The following CHID1 variants were observed in gnomAD, a reference collection of about 807,000 sequenced individuals.
CHID1 encodes chitinase domain containing 1, also known as chitinase domain-containing protein 1.
Under a neutral mutation model 55.4 loss-of-function variants are expected in CHID1, and 44 were observed. That is an observed-to-expected ratio of 0.79 (90% CI 0.62 to 1.02). CHID1 has a LOEUF of 1.02. CHID1 is among the 50% of genes least tolerant of loss of function. CHID1 has a pLI of 0.00. For missense variants in CHID1, 491 were observed against 515.3 expected, an observed-to-expected ratio of 0.95 and a Z score of 0.46; for synonymous variants, 216 against 212.9, an observed-to-expected ratio of 1.01 and a Z score of -0.13.
At chr11:914,729 A>G, upstream of CHID1, 1 of 358,358 alleles carries the variant, frequency 2.8e-6, no homozygotes. Context: ...CTCAAAAAAA[A>G]AAAAAAATTA....
chr11:877,538 G>A (rs903148218), intron 10 of CHID1, among the ~76,000 whole-genome samples: 1 of 152,196 alleles, frequency 6.6e-6, no homozygotes, highest in African/African-American at 2.4e-5. Context: ...GAGCTGTTGC[G>A]CCAAGCCACA....
chr11:877,499 G>A (rs896384365), intron 10 of CHID1, among the ~76,000 whole-genome samples: 1 of 152,178 alleles, frequency 6.6e-6, no homozygotes, highest in Admixed American at 6.5e-5. Context: ...TCCTGCCTTA[G>A]CCCCACAAAG....
chr11:910,095 G>A (rs1192855346), intron 1 of CHID1, among the ~76,000 whole-genome samples: 1 of 152,016 alleles, frequency 6.6e-6, no homozygotes, highest in Non-Finnish European at 1.5e-5. Context: ...GTGCGCTGGC[G>A]CACACCTGTA....
At position 899,328 on chromosome 11, in the gene CHID1, G is replaced by A. The variant is rs1273813407; in HGVS notation, c.608+12C>T. 6 of 1,594,794 alleles carry A rather than the reference G, an allele frequency of 3.8e-6. No homozygotes were observed. The highest frequency in any genetic ancestry group is 5.1e-6 in the Non-Finnish European group (6 of 1,170,462). On this transcript the variant is annotated intron_variant, in intron 7 of 12. Transcript: ENST00000323578. The stretch of plus-strand genomic sequence containing the variant: ...GGAGGAGGGCCACCCACCACCACCT[G>A]TGCCCACTCACACGCGCTTCTGGCT...
chr11:870,418 C>T lies in CHID1; in HGVS notation c.1040+1G>A. ...TGGGCCACGCACTTCAAAACACTCA[C>T]TTCTTGTACTCGAAGAAGTGCTCTG... is the stretch of plus-strand genomic sequence containing the variant. On this transcript the variant is annotated splice_donor_variant, in intron 11 of 12. Transcript: ENST00000323578. LOFTEE classifies it high-confidence loss of function. 1 of 1,609,248 alleles carries T rather than the reference C, an allele frequency of 6.2e-7. No individual in the cohort carries two copies. Among genetic ancestry groups the T allele is most frequent in the East Asian group, 2.2e-5 (1 of 44,812 alleles).
chr11:877,204 C>T (rs1339945675), intron 10 of CHID1, among the ~76,000 whole-genome samples: 2 of 152,114 alleles, frequency 1.3e-5, no homozygotes, highest in Non-Finnish European at 2.9e-5. Flanking sequence ...ATTCCTTGGC[C>T]CCAAACCCCC....
At chr11:887,532 G>A (rs1006936551) in intron 8 of CHID1, among the ~76,000 whole-genome samples, 2 of 152,148 alleles carry the variant, frequency 1.3e-5, no homozygotes, top group Non-Finnish European at 2.9e-5. Flanking sequence ...GTGCTCCACG[G>A]TTCTGCTTCT....
intron 2 of CHID1, 59 bp from the exon 3 acceptor site, chr11:903,170 A>T: frequency 6.5e-7 from 1 of 1,543,266 alleles, no homozygotes; most frequent in Non-Finnish European, 8.8e-7. Flanking sequence ...TAGAGCACAG[A>T]GCCCCACCCA....
In CHID1 at chr11:883,258, C is replaced by T; in HGVS notation, c.849G>A (p.Gln283=). ...APLSWVRACV[Q]VLDPKSKWRS... ...GCCACTTGGACTTCGGGTCCAGGAC[C>T]TGGACGCAGGCTCGAACCCAGGACA... Residue 283 remains glutamine, a synonymous_variant, in exon 10 of 13, where the codon CAG becomes CAA. Transcript: ENST00000323578. 1 of 1,614,140 alleles carries T rather than the reference C, an allele frequency of 6.2e-7. No homozygotes were observed.
chr11:882,935 G>A, intron 10 of CHID1: 1 of 544,722 alleles, frequency 1.8e-6, no homozygotes, highest in Non-Finnish European at 3.3e-6. Context: ...GCCTCACGCA[G>A]ATGTGTGGCC....
rs375856298 is a variant in CHID1, at chr11:870,496, G to A, written c.963C>T (p.Tyr321=). ...GCCTGTGGTCCTTCAGTGTCTGGAT[G>A]TACCTGGGGAGACCAGGATATGGAT... ...DAREPVVGAR[Y]IQTLKDHRPR... is the part of the protein sequence containing the mutation. Residue 321 remains tyrosine, a synonymous_variant, in exon 11 of 13, where the codon TAC becomes TAT. Transcript: ENST00000323578. 63 of 1,607,542 alleles carry A rather than the reference G, an allele frequency of 3.9e-5. No homozygotes were observed. The highest frequency in any genetic ancestry group is 5.3e-5 in the Non-Finnish European group (62 of 1,176,780).
upstream of CHID1, chr11:910,969 G>GACCCC (rs1852645651): frequency 3.8e-6 from 1 of 262,052 alleles, no homozygotes; most frequent in Non-Finnish European, 5.9e-6. Context: ...GGCCGGGGCG[G>GACCCC]GGCCGCGCCG....
chr11:879,552 G>A (rs1211765932), intron 10 of CHID1, among the ~76,000 whole-genome samples: 1 of 34,392 alleles, frequency 2.9e-5, no homozygotes, highest in Admixed American at 2.2e-4. Flanking sequence ...ACCAGCTGAG[G>A]AGAGAGGTCC....
upstream of CHID1, among the ~76,000 whole-genome samples, chr11:914,061 C>T (rs1852829641): frequency 1.3e-5 from 2 of 148,572 alleles, no homozygotes; most frequent in African/African-American, 5.0e-5. Flanking sequence ...GAGCAAGACT[C>T]CATCTCAAAA....
At chr11:883,397 A>C (rs1039625312) in intron 9 of CHID1, 94 bp from the exon 10 acceptor site, 12 of 1,293,810 alleles carry the variant, frequency 9.3e-6, no homozygotes, top group Non-Finnish European at 1.3e-5. Flanking sequence ...CATCCTCCCC[A>C]TGCTGCGGCT....
At chr11:870,281 G>T in intron 11 of CHID1, 118 bp from the exon 12 acceptor site, 1 of 1,441,994 alleles carries the variant, frequency 6.9e-7, no homozygotes, top group Middle Eastern at 1.7e-4. Context: ...CTGCTGTCCA[G>T]CTGTGCTCCA....
intron 8 of CHID1, among the ~76,000 whole-genome samples, chr11:891,347 G>A (rs968715742): frequency 2.0e-5 from 3 of 152,168 alleles, no homozygotes; most frequent in Non-Finnish European, 2.9e-5. Flanking sequence ...CGTAGCCCTG[G>A]CGTGCATCCC....
At position 900,997 on chromosome 11, in the gene CHID1, G is replaced by T; in HGVS notation, c.395-17C>A. The T allele has an allele frequency of 6.3e-7, 1 of 1,594,628 alleles. No individual in the cohort carries two copies. Among genetic ancestry groups the T allele is most frequent in the South Asian group, 1.1e-5 (1 of 88,182 alleles). ...GCATCCACCCTGTGGGACATGGAGG[G>T]GACAGTCAACACAGGCACGTGCGCC... On this transcript the variant is annotated splice_polypyrimidine_tract_variant and intron_variant, in intron 4 of 12. Transcript: ENST00000323578.
chr11:913,928 C>T (rs897408147), upstream of CHID1, among the ~76,000 whole-genome samples: 2 of 151,932 alleles, frequency 1.3e-5, no homozygotes, highest in East Asian at 3.9e-4. Context: ...ATTAATCGGA[C>T]GTGGTGGTGT....
Sources: allele counts gnomAD v4.1 joint callset (sites outside exome capture counted in the v4.1 genomes callset), GRCh38; gene constraint gnomAD v4.1.1; transcripts MANE v1.5; gene names NCBI Gene and HGNC (gene_info 2026-07-23, HGNC 2026-07-21).